ALKAL2: variants seen among roughly 807,000 people sequenced by gnomAD.
The protein encoded by ALKAL2 is ALK and LTK ligand 2, also known as AUG-alpha.
A neutral mutation model predicts 18.5 loss-of-function variants in ALKAL2; 8 were observed. That is an observed-to-expected ratio of 0.43 (90% CI 0.25 to 0.78). The LOEUF (loss-of-function observed/expected upper bound fraction) is 0.78. Among genes scored for constraint, ALKAL2 ranks in the 30% least tolerant of loss-of-function variants. The pLI, the probability that ALKAL2 is intolerant of heterozygous loss-of-function variation, is 0.22. For missense variants in ALKAL2, 241 were observed against 211.2 expected, an observed-to-expected ratio of 1.14 and a Z score of -0.88; for synonymous variants, 135 against 95.8, an observed-to-expected ratio of 1.41 and a Z score of -2.39.
Position 286,179 on chromosome 2 carries a change from CACTTTGGACTAAAAT to C in ALKAL2, c.317_331del (p.Tyr106_Lys110del). 1.2e-6 allele frequency: 2 copies of C among 1,613,912 alleles called. No individual in the cohort carries two copies. ...ATAAAGTCTATGGAAGTGTTTGCTG[CACTTTGGACTAAAAT>C]AAAGAGGGCCTGGAACACGGAAGAA... On this transcript the variant is annotated inframe_deletion, in exon 4 of 6. Coordinates refer to ENST00000403610, the MANE Select transcript of ALKAL2 (RefSeq NM_001002919.3).
At chr2:286,882 G>A (rs1160113532) in intron 2 of ALKAL2, 1 of 152,348 alleles carries the variant, frequency 6.6e-6, no homozygotes, top group Non-Finnish European at 1.5e-5. Flanking sequence ...GGTTTGTAGG[G>A]TAAGAATCCC....
intron 5 of ALKAL2, among the ~76,000 whole-genome samples, chr2:281,626 C>T (rs1401320685): frequency 2.0e-5 from 3 of 152,074 alleles, no homozygotes; most frequent in Admixed American, 6.5e-5. Flanking sequence ...CAGCAGCCAG[C>T]GGAGGGGAGG....
At position 287,436 on chromosome 2, in the gene ALKAL2, TTTTC is replaced by T. The variant is rs1432116776; in HGVS notation, c.253+143_253+146del. On this transcript the variant is annotated intron_variant, in intron 2 of 5. Transcript: ENST00000403610. ...CTCATGCGCGGACCTATTGCTGCTA[TTTTC>T]TTTTTCTTAAAAAAAAAAAAAAAAA... 2.9e-5 allele frequency: 18 copies of T among 619,172 alleles called. No individual in the cohort carries two copies. The South Asian group carries it at 8.8e-4, about 30-fold the overall frequency. The allele number at this position is 619,172 out of a possible 1,614,324, so 38.4% of individuals were successfully genotyped here.
At chr2:283,542 G>A in intron 4 of ALKAL2, 1 of 985,420 alleles carries the variant, frequency 1.0e-6, no homozygotes, top group Non-Finnish European at 1.2e-6. Flanking sequence ...GTCATGTGCA[G>A]GCTGAATCCC....
intron 4 of ALKAL2, chr2:283,497 G>A (rs186796425): frequency 1.2e-5 from 12 of 985,396 alleles, no homozygotes; most frequent in East Asian, 2.3e-4. Context: ...CGCTTCCTAC[G>A]TGACAATCCT....
In ALKAL2 at chr2:287,891, C is replaced by A; in HGVS notation, c.-56G>T. On this transcript the variant is annotated splice_region_variant and 5_prime_UTR_variant, in exon 2 of 6. Transcript: ENST00000403610. ...TCCGACACGCGCCGAGAGCTGGGCT[C>A]GCTGCGAGAGAAGGGGCGCGGGGGG... The A allele has an allele frequency of 1.6e-6, 2 of 1,242,200 alleles. No individual in the cohort carries two copies. The highest frequency in any genetic ancestry group is 2.0e-6 in the Non-Finnish European group (2 of 995,604). The allele number at this position is 1,242,200 out of a possible 1,614,324, so 76.9% of individuals were successfully genotyped here.
intron 5 of ALKAL2, among the ~76,000 whole-genome samples, chr2:281,333 G>A (rs543226447): frequency 1.3e-5 from 2 of 152,296 alleles, no homozygotes; most frequent in Non-Finnish European, 2.9e-5. Flanking sequence ...ACCTGTGGCT[G>A]TCAAGCAGGT....
chr2:279,863 T>C lies in ALKAL2; in HGVS notation c.*284A>G. Reference sequence around the variant, plus strand: ...TTGCGATTTCACCTAATGAAGACAATGAAATATTCTGTGTTTTATAGCACT... The same window carrying C: ...TTGCGATTTCACCTAATGAAGACAACGAAATATTCTGTGTTTTATAGCACT... On this transcript the variant is annotated 3_prime_UTR_variant, in exon 6 of 6. Transcript: ENST00000403610. 2.6e-6 allele frequency: 1 copy of C among 385,932 alleles called. No homozygotes were observed. 23.9% of individuals were successfully genotyped at this position (385,932 alleles called of 1,614,324 possible). A position where few individuals can be genotyped will look rare whatever the true frequency, so the allele number is the denominator to read the frequency against.
intron 5 of ALKAL2, among the ~76,000 whole-genome samples, chr2:281,153 T>A (rs1041802874): frequency 1.3e-5 from 2 of 152,260 alleles, no homozygotes; most frequent in Non-Finnish European, 2.9e-5. Flanking sequence ...GCTGTTGCTG[T>A]TTAACAATTT....
chr2:281,746 C>T (rs1670361768), intron 5 of ALKAL2, among the ~76,000 whole-genome samples: 1 of 151,910 alleles, frequency 6.6e-6, no homozygotes. Context: ...AAGGATGTCC[C>T]TGGCCCATCT....
intron 2 of ALKAL2, chr2:287,278 C>T: frequency 3.5e-6 from 1 of 289,854 alleles, no homozygotes; most frequent in South Asian, 1.4e-4. Context: ...TGGATGCTTC[C>T]TTTTCAGTTG....
rs750522345 is a variant in ALKAL2 at position 287,768 on chromosome 2, C to G, written c.68G>C (p.Arg23Pro). 1.9e-4 allele frequency: 265 copies of G among 1,423,156 alleles called. No homozygotes were observed. Among genetic ancestry groups the G allele is most frequent in the Middle Eastern group, 2.5e-4 (1 of 4,032 alleles). 88.2% of individuals were successfully genotyped at this position (1,423,156 alleles called of 1,614,324 possible). ...CGGCTCCCGGGGCTCCGCGCCCCCC[C>G]GGCCGCGCCCCGCCGCCCCCAGCAC... ...LLVLGAAGRG[R>P]GGAEPREPAD... is the part of the protein sequence containing the mutation. Residue 23 changes from arginine (R) to proline (P), a missense_variant, in exon 2 of 6, where the codon CGG becomes CCG. Physicochemically the swap from Arg to Pro is moderately radical, Grantham distance 103 (BLOSUM62 -2). Transcript: ENST00000403610.
Position 285,341 on chromosome 2 carries a change from C to T in ALKAL2, c.388+782G>A, listed in dbSNP as rs538784900. ...GGAAGGCAGGACAGCAAGTCCGGAA[C>T]GCTGCCTGGTCCAGCTGGAGAGCCC... is the stretch of plus-strand genomic sequence containing the variant. On this transcript the variant is annotated intron_variant, in intron 4 of 5. Coordinates refer to ENST00000403610, the MANE Select transcript of ALKAL2 (RefSeq NM_001002919.3). Among the ~76,000 whole-genome samples, 17 of 152,302 alleles carry T rather than the reference C, an allele frequency of 1.1e-4. No homozygotes were observed. The South Asian group carries it at 3.1e-3, about 28-fold the overall frequency.
Position 283,600 on chromosome 2 carries a change from G to C in ALKAL2, c.389-425C>G, listed in dbSNP as rs1412122401. ...AAGCCTTCTGCCTGTAAATTCTAAAGAAAGTGGGTCAAAAGTCAGGCAGCA... is the reference window on the plus strand; with the variant it reads ...AAGCCTTCTGCCTGTAAATTCTAAACAAAGTGGGTCAAAAGTCAGGCAGCA... On this transcript the variant is annotated intron_variant, in intron 4 of 5. Coordinates refer to ENST00000403610, the MANE Select transcript of ALKAL2 (RefSeq NM_001002919.3). The C allele has an allele frequency of 4.1e-6, 4 of 985,434 alleles. No homozygotes were observed. The South Asian group carries it at 1.9e-4, about 46-fold the overall frequency. The allele number at this position is 985,434 out of a possible 1,614,324, so 61.0% of individuals were successfully genotyped here.
intron 5 of ALKAL2, among the ~76,000 whole-genome samples, chr2:281,949 T>A (rs1670368523): frequency 6.6e-6 from 1 of 152,106 alleles, no homozygotes; most frequent in African/African-American, 2.4e-5. Context: ...TGGGGAGACA[T>A]TACTACACAG....
intron 5 of ALKAL2, 118 bp downstream of exon 5, chr2:282,993 T>C: frequency 9.3e-7 from 1 of 1,073,596 alleles, no homozygotes; most frequent in Non-Finnish European, 1.3e-6. Context: ...CATCTCTACT[T>C]AGAATATGGC....
rs1670284192 is a variant in ALKAL2 at position 279,994 on chromosome 2, CA to C, written c.*152del. 1 of 799,420 alleles carries C rather than the reference CA, an allele frequency of 1.3e-6. No individual in the cohort carries two copies. Among genetic ancestry groups the C allele is most frequent in the African/African-American group, 1.7e-5 (1 of 59,026 alleles). The allele number at this position is 799,420 out of a possible 1,614,324, so 49.5% of individuals were successfully genotyped here. ...CGAATATATATCTGCAAACTGTCAACAACATACAAAACTCAAAGGACTTATG... is the reference window on the plus strand; with the variant it reads ...CGAATATATATCTGCAAACTGTCAACACATACAAAACTCAAAGGACTTATG... On this transcript the variant is annotated 3_prime_UTR_variant, in exon 6 of 6. Transcript: ENST00000403610.
chr2:281,983 T>G (rs559443411), intron 5 of ALKAL2, among the ~76,000 whole-genome samples: 149 of 152,258 alleles, frequency 9.8e-4, no homozygotes, highest in African/African-American at 3.5e-3. Context: ...TGACTGACAT[T>G]GACACCTTCA....
intron 5 of ALKAL2, among the ~76,000 whole-genome samples, chr2:281,768 G>A (rs1670362246): frequency 6.6e-6 from 1 of 151,008 alleles, no homozygotes; most frequent in Non-Finnish European, 1.5e-5. Context: ...TGGGAACACT[G>A]TGTTTAATTA....
Sources: gnomAD v4.1 joint callset for allele counts (sites outside exome capture counted in the v4.1 genomes callset) on GRCh38, gnomAD v4.1.1 for gene constraint, MANE v1.5 for transcripts, NCBI Gene and HGNC (gene_info 2026-07-23, HGNC 2026-07-21) for gene names.